The following TBX6 variants were observed in gnomAD, a reference collection of about 807,000 sequenced individuals.
TBX6 encodes T-box transcription factor 6, also known as T-box transcription factor TBX6.
A neutral mutation model predicts 42.3 loss-of-function variants in TBX6; 29 were observed. The observed-to-expected ratio is 0.69, with a 90% CI of 0.51 to 0.93. TBX6 has a LOEUF of 0.93. Among genes scored for constraint, TBX6 ranks in the 40% least tolerant of loss-of-function variants. The pLI, the probability that TBX6 is intolerant of heterozygous loss-of-function variation, is 0.00. For synonymous variants in TBX6, 249 were observed against 245.1 expected (o/e 1.02, Z -0.15); for missense variants, 569 against 603.3 (o/e 0.94, Z 0.59).
Position 30,086,980 on chromosome 16 carries a change from T to C in TBX6, c.840-129A>G. 1 of 1,025,008 alleles carries C rather than the reference T, an allele frequency of 9.8e-7. No homozygotes were observed. The highest frequency in any genetic ancestry group is 2.8e-5 in the Admixed American group (1 of 36,204). The allele number at this position is 1,025,008 out of a possible 1,614,324, so 63.5% of individuals were successfully genotyped here. ...AGGTAGGGGCCATCATTATACCCATTTTATAGATGAAGAAACTGAAGGCCA... is the reference window on the plus strand; with the variant it reads ...AGGTAGGGGCCATCATTATACCCATCTTATAGATGAAGAAACTGAAGGCCA... On this transcript the variant is annotated intron_variant, in intron 6 of 8. Coordinates refer to ENST00000395224, the MANE Select transcript of TBX6 (RefSeq NM_004608.4). The surrounding 1 kb of genome is among the most constrained non-coding windows in gnomAD (Gnocchi z 4.6).
intron 3 of TBX6, among the ~76,000 whole-genome samples, chr16:30,090,359 C>A (rs554353275): frequency 6.6e-6 from 1 of 152,126 alleles, no homozygotes. Flanking sequence ...GACTCCTATT[C>A]GAGTTGCATA....
chr16:30,090,006 A>G (rs1046964829), intron 3 of TBX6, among the ~76,000 whole-genome samples: 9 of 151,426 alleles, frequency 5.9e-5, no homozygotes, highest in Admixed American at 2.6e-4. Flanking sequence ...GTCTCATTTT[A>G]CATTTGGGGA....
chr16:30,089,045 G>A lies in TBX6; in HGVS notation c.519C>T (p.Tyr173=). 6.2e-7 allele frequency: 1 copy of A among 1,613,968 alleles called. No homozygotes were observed. The highest frequency in any genetic ancestry group is 1.3e-5 in the African/African-American group (1 of 75,060). The part of the protein sequence containing the change: ...KAEPRLPDRV[Y]IHPDSPATGA... The stretch of plus-strand genomic sequence containing the variant: ...CAGTGGCAGGAGAGTCGGGGTGAAT[G>A]TAGACACGGTCAGGCAGGCGGGGCT... Residue 173 remains tyrosine, a synonymous_variant, in exon 4 of 9, where the codon TAC becomes TAT. Transcript: ENST00000395224.
At position 30,086,171 on chromosome 16, in the gene TBX6, C is replaced by T; in HGVS notation, c.*54G>A. 1.2e-5 allele frequency: 19 copies of T among 1,564,172 alleles called. No individual in the cohort carries two copies. In the South Asian group the frequency reaches 2.2e-4, roughly 18 times the overall value. The stretch of plus-strand genomic sequence containing the variant: ...CGGTGGAGGTGAGGGGGCTCCAGGG[C>T]TGGGGGAAGGGAGCGGGAGGTTTGT... On this transcript the variant is annotated 3_prime_UTR_variant, in exon 9 of 9. Coordinates refer to ENST00000395224, the MANE Select transcript of TBX6 (RefSeq NM_004608.4). The surrounding 1 kb of genome is among the most constrained non-coding windows in gnomAD (Gnocchi z 4.6).
rs1329129294 is a variant in TBX6, at chr16:30,086,532, G to A, written c.1077C>T (p.Ala359=). 4 of 1,514,654 alleles carry A rather than the reference G, an allele frequency of 2.6e-6. No individual in the cohort carries two copies. Among genetic ancestry groups the A allele is most frequent in the Admixed American group, 2.5e-5 (1 of 39,990 alleles). 93.8% of individuals were successfully genotyped at this position (1,514,654 alleles called of 1,614,324 possible). Residue 359 remains alanine (A), a synonymous_variant, in exon 8 of 9, where the codon GCC becomes GCT. Transcript: ENST00000395224. This position sits in a 1 kb window ranked among gnomAD's most constrained non-coding sequence, Gnocchi z 4.6. ...YLLHPAAFHG[A]PSHLPTRSPS... is the part of the protein sequence containing the mutation. ...CTCACCTGGTGGGAAGGTGACTGGGGGCCCCATGGAAAGCCGCAGGGTGCA... is the reference window on the plus strand; with the variant it reads ...CTCACCTGGTGGGAAGGTGACTGGGAGCCCCATGGAAAGCCGCAGGGTGCA...
chr16:30,088,418 G>A lies in TBX6; in HGVS notation c.839+127C>T. On this transcript the variant is annotated intron_variant, in intron 6 of 8. Transcript: ENST00000395224. This position sits in a 1 kb window ranked among gnomAD's most constrained non-coding sequence, Gnocchi z 4.1. ...CATAGCAGGTACTATATAAGTATTT[G>A]CTGAGTCAGTGAATGAATGTTTTCA... is the stretch of plus-strand genomic sequence containing the variant. 8 of 1,299,564 alleles carry A rather than the reference G, an allele frequency of 6.2e-6. No homozygotes were observed. In the South Asian group the frequency reaches 9.8e-5, roughly 16 times the overall value. The allele number at this position is 1,299,564 out of a possible 1,614,324, so 80.5% of individuals were successfully genotyped here.
rs370175339 is a variant in TBX6 at position 30,088,848 on chromosome 16, G to A, written c.622-9C>T. ...ATGGAGTGCAGGATCAGCTGGGAGG[G>A]AGGAAATGGGAGTGATTCCCTGCCC... On this transcript the variant is annotated splice_polypyrimidine_tract_variant and intron_variant, in intron 4 of 8. Transcript: ENST00000395224. The surrounding 1 kb of genome is among the most constrained non-coding windows in gnomAD (Gnocchi z 4.1). The A allele has an allele frequency of 5.0e-6, 8 of 1,612,696 alleles. No individual in the cohort carries two copies. Among genetic ancestry groups the A allele is most frequent in the East Asian group, 4.5e-5 (2 of 44,816 alleles).
At chr16:30,087,990 A>G (rs1442484637) in intron 6 of TBX6, 2 of 135,486 alleles carry the variant, frequency 1.5e-5, no homozygotes, top group African/African-American at 5.6e-5. Flanking sequence ...CTAGGCTGGA[A>G]TGCAATGGCA....
chr16:30,087,244 GA>G (rs150993508), intron 6 of TBX6, among the ~76,000 whole-genome samples: 1 of 152,152 alleles, frequency 6.6e-6, no homozygotes, highest in East Asian at 1.9e-4. Flanking sequence ...TAAAATTTGA[GA>G]TGGGGTCTTG....
In TBX6 at chr16:30,091,196, T is replaced by G; in HGVS notation, c.-3A>C. 6.4e-7 allele frequency: 1 copy of G among 1,562,292 alleles called. No individual in the cohort carries two copies. The highest frequency in any genetic ancestry group is 8.7e-7 in the Non-Finnish European group (1 of 1,156,068). On this transcript the variant is annotated 5_prime_UTR_variant, in exon 2 of 9. Coordinates refer to ENST00000395224, the MANE Select transcript of TBX6 (RefSeq NM_004608.4). ...TACAATTCTCGTGGATGGTACATGT[T>G]GTAGTTCCGTCTGGCCTCAGGTCTC...
chr16:30,089,132 A>T lies in TBX6; in HGVS notation c.432T>A (p.Ile144=). The T allele has an allele frequency of 6.2e-7, 1 of 1,614,064 alleles. No homozygotes were observed. Among genetic ancestry groups the T allele is most frequent in the Non-Finnish European group, 8.5e-7 (1 of 1,179,996 alleles). ...AGCGGTAGCGAGCCCCATCCACCGG[A>T]ATCACATCCAGAAGAAACAAGTAGC... ...EARYLFLLDV[I]PVDGARYRWQ... Residue 144 remains isoleucine, a synonymous_variant, in exon 4 of 9, where the codon ATT becomes ATA. Coordinates refer to ENST00000395224, the MANE Select transcript of TBX6 (RefSeq NM_004608.4).
In TBX6 at chr16:30,086,355, CCT is replaced by C. The variant is rs879253857; in HGVS notation, c.1179_1180del (p.Gly395LeufsTer91). The C allele has an allele frequency of 1.3e-6, 2 of 1,589,188 alleles. No homozygotes were observed. Among genetic ancestry groups the C allele is most frequent in the South Asian group, 1.1e-5 (1 of 87,890 alleles). On this transcript the variant is annotated frameshift_variant, in exon 9 of 9. Coordinates refer to ENST00000395224, the MANE Select transcript of TBX6 (RefSeq NM_004608.4). LOFTEE classifies it high-confidence loss of function. This position sits in a 1 kb window ranked among gnomAD's most constrained non-coding sequence, Gnocchi z 4.6. ...TGGAGCCGCTGGGTACCCGGAGCCCCCTGACCCGTGCGGCAGCTCCAGAAATG... is the reference window on the plus strand; with the variant it reads ...TGGAGCCGCTGGGTACCCGGAGCCCCGACCCGTGCGGCAGCTCCAGAAATG...
At chr16:30,089,289 A>G (rs1392313737) in intron 3 of TBX6, 79 bp from the exon 4 acceptor site, 9 of 1,527,680 alleles carry the variant, frequency 5.9e-6, no homozygotes, top group African/African-American at 1.4e-5. Flanking sequence ...ACGGGACATA[A>G]CAACGGGCTC....
Position 30,085,969 on chromosome 16 carries a change from G to T in TBX6, c.*256C>A. 1 of 500,436 alleles carries T rather than the reference G, an allele frequency of 2.0e-6. No homozygotes were observed. The highest frequency in any genetic ancestry group is 3.5e-6 in the Non-Finnish European group (1 of 283,510). 31.0% of individuals were successfully genotyped at this position (500,436 alleles called of 1,614,324 possible). A position where few individuals can be genotyped will look rare whatever the true frequency, so the allele number is the denominator to read the frequency against. On this transcript the variant is annotated 3_prime_UTR_variant, in exon 9 of 9. Coordinates refer to ENST00000395224, the MANE Select transcript of TBX6 (RefSeq NM_004608.4). ...GTCTGTGGCCCCATTTGGCCAGGCA[G>T]AGCCCCTTCCATTCACACGGAGGTG... is the stretch of plus-strand genomic sequence containing the variant.
chr16:30,088,524 A>C lies in TBX6; in HGVS notation c.839+21T>G. 6.2e-7 allele frequency: 1 copy of C among 1,614,224 alleles called. No homozygotes were observed. The highest frequency in any genetic ancestry group is 1.7e-4 in the Middle Eastern group (1 of 6,060). The stretch of plus-strand genomic sequence containing the variant: ...ATAAACATTTGTTGAATGCATGAAC[A>C]AATGAATGAACAACTCCCACCTCTT... On this transcript the variant is annotated intron_variant, in intron 6 of 8. Transcript: ENST00000395224. The surrounding 1 kb of genome is among the most constrained non-coding windows in gnomAD (Gnocchi z 4.1).
intron 3 of TBX6, 100 bp from the exon 4 acceptor site, chr16:30,089,310 T>C: frequency 6.9e-7 from 1 of 1,452,064 alleles, no homozygotes; most frequent in Non-Finnish European, 9.3e-7. Flanking sequence ...CCCAGAGCTG[T>C]CAGAGAAACA....
In TBX6 at chr16:30,089,048, G is replaced by C; in HGVS notation, c.516C>G (p.Val172=). 6.2e-7 allele frequency: 1 copy of C among 1,613,934 alleles called. No homozygotes were observed. The highest frequency in any genetic ancestry group is 8.5e-7 in the Non-Finnish European group (1 of 1,180,016). Residue 172 remains valine (V), a synonymous_variant, in exon 4 of 9, where the codon GTC becomes GTG. Transcript: ENST00000395224. The part of the protein sequence containing the change: ...GKAEPRLPDR[V]YIHPDSPATG... The stretch of plus-strand genomic sequence containing the variant: ...TGGCAGGAGAGTCGGGGTGAATGTA[G>C]ACACGGTCAGGCAGGCGGGGCTCTG...
Position 30,086,821 on chromosome 16 carries a change from C to A in TBX6, c.870G>T (p.Leu290=). ...RERDARVKRK[L]RGPEPAATEA... is the part of the protein sequence containing the mutation. The stretch of plus-strand genomic sequence containing the variant: ...CTGTGGCTGCTGGCTCTGGGCCCCG[C>A]AGTTTCCTCTTCACACGGGCGTCTC... The change falls in exon 7 of 9, where the codon CTG becomes CTT. Residue 290 remains leucine, a synonymous_variant. Coordinates refer to ENST00000395224, the MANE Select transcript of TBX6 (RefSeq NM_004608.4). This position sits in a 1 kb window ranked among gnomAD's most constrained non-coding sequence, Gnocchi z 4.6. 1.9e-6 allele frequency: 3 copies of A among 1,613,768 alleles called. No homozygotes were observed. The highest frequency in any genetic ancestry group is 2.5e-6 in the Non-Finnish European group (3 of 1,179,894).
At position 30,086,689 on chromosome 16, in the gene TBX6, G is replaced by C. The variant is rs754303301; in HGVS notation, c.920C>G (p.Pro307Arg). The C allele has an allele frequency of 1.2e-6, 2 of 1,612,456 alleles. No homozygotes were observed. Among genetic ancestry groups the C allele is most frequent in the African/African-American group, 1.3e-5 (1 of 74,918 alleles). ...CAGGGTGGAGTCGCAGGGACCACCT[G>C]GTGTGTCTGGGGAGAGGGAAGGGAG... The part of the protein sequence containing the change: ...ATEAYGSGDT[P>R]GGPCDSTLGG... Residue 307 changes from proline (P) to arginine (R), a missense_variant, in exon 8 of 9, where the codon CCA (proline) becomes CGA (arginine). Pro to Arg is a moderately radical substitution (Grantham distance 103, BLOSUM62 -2). Around this residue, in one of 3 missense-constraint regions of TBX6, gnomAD observed 245 missense variants for 227.4 expected, o/e 1.08. Coordinates refer to ENST00000395224, the MANE Select transcript of TBX6 (RefSeq NM_004608.4). The surrounding 1 kb of genome is among the most constrained non-coding windows in gnomAD (Gnocchi z 4.6).
Sources: gnomAD v4.1 joint callset for allele counts (sites outside exome capture counted in the v4.1 genomes callset) on GRCh38, gnomAD v4.1.1 for gene constraint, gnomAD v4.1.1 regional missense constraint, Gnocchi (gnomAD v3.1) non-coding constraint, MANE v1.5 for transcripts, NCBI Gene and HGNC (gene_info 2026-07-23, HGNC 2026-07-21) for gene names.